The following KCTD3 variants were observed in gnomAD, a reference collection of about 807,000 sequenced individuals.
KCTD3 encodes BTB/POZ domain-containing protein KCTD3.
KCTD3 carries 41 observed loss-of-function variants against 85.8 expected under a neutral mutation model. The ratio of observed to expected loss-of-function variants is 0.48; its 90% CI spans 0.37 to 0.62. KCTD3 has a LOEUF of 0.62. Among genes scored for constraint, KCTD3 ranks in the 20% least tolerant of loss-of-function variants. The pLI, the probability that KCTD3 is intolerant of heterozygous loss-of-function variation, is 0.00. For synonymous variants in KCTD3, 338 were observed against 345.4 expected (o/e 0.98, Z 0.24); for missense variants, 724 against 989.9 (o/e 0.73, Z 3.60).
Position 215,620,268 on chromosome 1 carries a change from G to C in KCTD3, c.2098G>C (p.Ala700Pro). ...TCCAATACAAGCTGAAGTGAAAGGG[G>C]CAACAGGGGAATGTAATATATCTGA... Reference protein sequence around the residue: ...LGPIQAEVKGATGECNISERK... With the variant: ...LGPIQAEVKGPTGECNISERK... Residue 700 changes from alanine (A) to proline (P), a missense_variant, in exon 18 of 18, where the codon GCA (alanine) becomes CCA (proline). Ala to Pro is a conservative substitution (Grantham distance 27). This residue lies in a region of KCTD3 where 222 missense variants were observed against 217.7 expected (regional missense o/e 1.02). Coordinates refer to ENST00000259154, the MANE Select transcript of KCTD3 (RefSeq NM_016121.5). The C allele has an allele frequency of 1.2e-6, 2 of 1,613,894 alleles. No homozygotes were observed. The highest frequency in any genetic ancestry group is 2.7e-5 in the African/African-American group (2 of 75,038).
Position 215,620,424 on chromosome 1 carries a change from G to C in KCTD3, c.2254G>C (p.Glu752Gln), listed in dbSNP as rs370585840. 1.9e-6 allele frequency: 3 copies of C among 1,613,080 alleles called. No homozygotes were observed. The African/African-American group carries it at 4.0e-5, about 22-fold the overall frequency. The change falls in exon 18 of 18, where the codon GAG (glutamate) becomes CAG (glutamine). Residue 752 changes from glutamate to glutamine, a missense_variant. Glu to Gln is a conservative substitution (Grantham distance 29). Coordinates refer to ENST00000259154, the MANE Select transcript of KCTD3 (RefSeq NM_016121.5). ...AGAAGATGAAAATGAAAATAAAATAGAGTTTAGGAAGAAAGGAGGATTTGA... is the reference window on the plus strand; with the variant it reads ...AGAAGATGAAAATGAAAATAAAATACAGTTTAGGAAGAAAGGAGGATTTGA... ...SSEDENENKI[E>Q]FRKKGGFEGG...
At chr1:215,581,206 A>G (rs1314701098) in intron 8 of KCTD3, 1 of 189,146 alleles carries the variant, frequency 5.3e-6, no homozygotes, top group African/African-American at 2.4e-5. Flanking sequence ...ATAGCTCACC[A>G]TTGTACTCCA....
chr1:215,591,096 T>C (rs1020097690), intron 9 of KCTD3, among the ~76,000 whole-genome samples: 2 of 152,178 alleles, frequency 1.3e-5, no homozygotes, highest in Non-Finnish European at 2.9e-5. Flanking sequence ...TGGAATCTTA[T>C]TTAACTGAAT....
chr1:215,573,842 A>C lies in KCTD3; in HGVS notation c.137+3A>C. ...ATTCCAGATTCTTTTTTTTCCAGGT[A>C]TGTCTTATAATTCTTTAGTGTATAT... is the stretch of plus-strand genomic sequence containing the variant. On this transcript the variant is annotated splice_donor_region_variant and intron_variant, in intron 2 of 17. Coordinates refer to ENST00000259154, the MANE Select transcript of KCTD3 (RefSeq NM_016121.5). 1 of 1,511,074 alleles carries C rather than the reference A, an allele frequency of 6.6e-7. No individual in the cohort carries two copies. Among genetic ancestry groups the C allele is most frequent in the Non-Finnish European group, 9.1e-7 (1 of 1,094,022 alleles). 93.6% of individuals were successfully genotyped at this position (1,511,074 alleles called of 1,614,324 possible).
chr1:215,593,731 C>G lies in KCTD3; in HGVS notation c.818-1625C>G, dbSNP rs530745871. Among the ~76,000 whole-genome samples the G allele has an allele frequency of 4.6e-5, 7 of 152,058 alleles. No individual in the cohort carries two copies. In the East Asian group the frequency reaches 1.2e-3, roughly 25 times the overall value. ...ACTGATACTTGAAGCAGCCAAAGAT[C>G]TACATAAAACAGTATTGTAGAGGTG... On this transcript the variant is annotated intron_variant, in intron 9 of 17. Coordinates refer to ENST00000259154, the MANE Select transcript of KCTD3 (RefSeq NM_016121.5).
At chr1:215,583,501 C>G (rs913170775) in intron 8 of KCTD3, among the ~76,000 whole-genome samples, 1 of 152,182 alleles carries the variant, frequency 6.6e-6, no homozygotes, top group Non-Finnish European at 1.5e-5. Context: ...TTCTTTACTC[C>G]GTCCTGTTTT....
chr1:215,614,018 GTTTTTTTT>G (rs577770912), intron 15 of KCTD3, among the ~76,000 whole-genome samples: 3 of 66,286 alleles, frequency 4.5e-5, no homozygotes, highest in South Asian at 4.9e-4. Context: ...CTTTAGAATA[GTTTTTTTT>G]TTTTTTTTTT....
intron 1 of KCTD3, among the ~76,000 whole-genome samples, chr1:215,570,058 A>G (rs926665331): frequency 2.6e-5 from 4 of 152,212 alleles, no homozygotes; most frequent in African/African-American, 7.2e-5. Flanking sequence ...TGTATCTTGT[A>G]CAAAACACAG....
intron 9 of KCTD3, among the ~76,000 whole-genome samples, chr1:215,587,549 C>T (rs927217318): frequency 1.3e-5 from 2 of 152,060 alleles, no homozygotes; most frequent in African/African-American, 4.8e-5. Context: ...TTAATGAGAA[C>T]CTCATTTTCC....
At chr1:215,619,392 C>T in intron 17 of KCTD3, 101 bp downstream of exon 17, 1 of 991,938 alleles carries the variant, frequency 1.0e-6, no homozygotes, top group East Asian at 2.5e-5. Context: ...CCATACTTCT[C>T]AAGGTACATT....
intron 15 of KCTD3, 124 bp downstream of exon 15, chr1:215,612,045 G>A (rs1191300900): frequency 7.9e-6 from 5 of 636,486 alleles, no homozygotes; most frequent in Non-Finnish European, 1.4e-5. Flanking sequence ...ACAGAAGTCT[G>A]TTATCTCATA....
At chr1:215,612,482 C>A (rs540591742) in intron 15 of KCTD3, among the ~76,000 whole-genome samples, 1 of 152,000 alleles carries the variant, frequency 6.6e-6, no homozygotes, top group Non-Finnish European at 1.5e-5. Flanking sequence ...GAGTAGGATT[C>A]CTGTCTTTAT....
chr1:215,571,262 GT>G lies in KCTD3; in HGVS notation c.84-2523del, dbSNP rs139982505. Among the ~76,000 whole-genome samples the G allele has an allele frequency of 1.4e-3, 219 of 152,324 alleles. 1 individual carries two copies. Among genetic ancestry groups the G allele is most frequent in the African/African-American group, 5.0e-3 (209 of 41,562 alleles). On this transcript the variant is annotated intron_variant, in intron 1 of 17. Coordinates refer to ENST00000259154, the MANE Select transcript of KCTD3 (RefSeq NM_016121.5). ...CTTGGATCCTTCAATTTACCATTGAGTGGATTTGCTTTGATTTTGGACCAAG... is the reference window on the plus strand; with the variant it reads ...CTTGGATCCTTCAATTTACCATTGAGGGATTTGCTTTGATTTTGGACCAAG...
intron 9 of KCTD3, among the ~76,000 whole-genome samples, chr1:215,591,278 CCTTCCTTCT>C (rs1403938923): frequency 5.5e-5 from 8 of 145,506 alleles, no homozygotes; most frequent in African/African-American, 2.1e-4. Context: ...CTCTCTCTCT[CCTTCCTTCT>C]TTCCTTCCTT....
At chr1:215,569,383 T>G (rs1217371079) in intron 1 of KCTD3, among the ~76,000 whole-genome samples, 1 of 152,046 alleles carries the variant, frequency 6.6e-6, no homozygotes, top group African/African-American at 2.4e-5. Flanking sequence ...CTTCCCAAAG[T>G]GCTGGAATTA....
chr1:215,579,194 T>A (rs1659709395), intron 7 of KCTD3, 57 bp downstream of exon 7: 2 of 1,415,386 alleles, frequency 1.4e-6, no homozygotes, highest in African/African-American at 2.9e-5. Context: ...TAGTGCTGGG[T>A]GATATTGAGT....
chr1:215,579,747 C>T (rs563169493), intron 7 of KCTD3, among the ~76,000 whole-genome samples, 162 bp from the exon 8 acceptor site: 15 of 152,318 alleles, frequency 9.8e-5, no homozygotes, highest in Non-Finnish European at 1.9e-4. Flanking sequence ...ATCCGCCCGC[C>T]TCGGCCTCCC....
At chr1:215,572,770 A>T (rs1659416683) in intron 1 of KCTD3, among the ~76,000 whole-genome samples, 1 of 152,216 alleles carries the variant, frequency 6.6e-6, no homozygotes, top group South Asian at 2.1e-4. Flanking sequence ...GTGATAGTGC[A>T]TGGTAACTAG....
At position 215,575,925 on chromosome 1, in the gene KCTD3, G is replaced by A. The variant is rs1301544347; in HGVS notation, c.208G>A (p.Ala70Thr). ...GAIFIDRDPA[A>T]FAPILNFLRT... ...GATATTTATTGATAGAGATCCAGCAGCATTTGCACCCATTTTAAATTTTCT... is the reference window on the plus strand; with the variant it reads ...GATATTTATTGATAGAGATCCAGCAACATTTGCACCCATTTTAAATTTTCT... Residue 70 changes from alanine (A) to threonine (T), a missense_variant, in exon 4 of 18, where the codon GCA becomes ACA. Ala to Thr is a moderately conservative substitution (Grantham distance 58, BLOSUM62 0). Transcript: ENST00000259154. 6.4e-7 allele frequency: 1 copy of A among 1,562,566 alleles called. No homozygotes were observed. The highest frequency in any genetic ancestry group is 8.7e-7 in the Non-Finnish European group (1 of 1,150,514).
Sources: gnomAD v4.1 joint callset for allele counts (sites outside exome capture counted in the v4.1 genomes callset) on GRCh38, gnomAD v4.1.1 for gene constraint, gnomAD v4.1.1 regional missense constraint, MANE v1.5 for transcripts, NCBI Gene and HGNC (gene_info 2026-07-23, HGNC 2026-07-21) for gene names.